Variants in ASPH observed in about 807,000 individuals in gnomAD.
ASPH encodes the protein aspartate beta-hydroxylase.
A neutral mutation model predicts 118.4 loss-of-function variants in ASPH; 100 were observed. The ratio of observed to expected loss-of-function variants is 0.84; its 90% CI spans 0.72 to 1.00. The LOEUF (loss-of-function observed/expected upper bound fraction) is 1.00, where lower values mean the gene tolerates loss of function less well. ASPH is among the 50% of genes least tolerant of loss of function. The pLI, the probability that ASPH is intolerant of heterozygous loss-of-function variation, is 0.00. For synonymous variants in ASPH, 315 were observed against 325.6 expected, an observed-to-expected ratio of 0.97 and a Z score of 0.35; for missense variants, 920 against 919.5, an observed-to-expected ratio of 1.00 and a Z score of -0.01.
In ASPH at chr8:61,569,426, T is replaced by C. The variant is rs79797708; in HGVS notation, c.1150-2108A>G. On this transcript the variant is annotated intron_variant, in intron 16 of 24. Transcript: ENST00000379454. ...TAAAATGTGTGCTGTAGTTAATATA[T>C]AGATGTATGCAGAATCAAAATAAAG... Among the ~76,000 whole-genome samples the C allele has an allele frequency of 1.3e-3, 191 of 152,256 alleles. 1 individual carries two copies. In the East Asian group the frequency reaches 0.031, roughly 25 times the overall value.
Position 61,684,053 on chromosome 8 carries a change from T to G in ASPH, c.239A>C (p.Tyr80Ser). The G allele has an allele frequency of 1.2e-6, 2 of 1,613,590 alleles. No individual in the cohort carries two copies. Among genetic ancestry groups the G allele is most frequent in the Non-Finnish European group, 1.7e-6 (2 of 1,179,672 alleles). The stretch of plus-strand genomic sequence containing the variant: ...AAAATTCTTACCTAGAACTTCCTCA[T>G]AGTCAACAAGATCAAACCAAACGAC... ...VAVVWFDLVDYEEVLGKLGIY... is the reference protein window; with the variant it reads ...VAVVWFDLVDSEEVLGKLGIY... Residue 80 changes from tyrosine to serine, a missense_variant, in exon 2 of 25, where the codon TAT becomes TCT. Physicochemically the swap from Tyr to Ser is moderately radical, Grantham distance 144 (BLOSUM62 -2). Transcript: ENST00000379454.
chr8:61,655,447 T>C (rs1016784123), intron 3 of ASPH, among the ~76,000 whole-genome samples: 2 of 152,118 alleles, frequency 1.3e-5, no homozygotes, highest in African/African-American at 4.8e-5. Flanking sequence ...GAATGAAAAA[T>C]TACAGGGTCA....
At position 61,669,409 on chromosome 8, in the gene ASPH, G is replaced by A. The variant is rs138784321; in HGVS notation, c.322+11559C>T. 3.7e-4 allele frequency among the ~76,000 whole-genome samples: 57 copies of A among 152,238 alleles called. No individual in the cohort carries two copies. The East Asian group carries it at 9.8e-3, about 26-fold the overall frequency. ...CCACTGACAACATAAAAATGGAAAC[G>A]TGACCATGGTTATATTTGTCCACTT... On this transcript the variant is annotated intron_variant, in intron 3 of 24. Coordinates refer to ENST00000379454, the MANE Select transcript of ASPH (RefSeq NM_004318.4).
At chr8:61,516,558 C>A (rs138187451) in intron 24 of ASPH, among the ~76,000 whole-genome samples, 12 of 152,284 alleles carry the variant, frequency 7.9e-5, no homozygotes, top group Non-Finnish European at 1.6e-4. Flanking sequence ...ACAACAATAA[C>A]TTGCTTTCTG....
chr8:61,637,865 T>A, intron 12 of ASPH, 82 bp downstream of exon 12: 1 of 1,346,184 alleles, frequency 7.4e-7, no homozygotes, highest in Non-Finnish European at 1.0e-6. Context: ...AGACAGCAAG[T>A]AGGAAATGTT....
intron 16 of ASPH, among the ~76,000 whole-genome samples, chr8:61,571,527 T>C (rs1382536387): frequency 2.0e-5 from 3 of 152,246 alleles, no homozygotes; most frequent in East Asian, 1.9e-4. Context: ...AGTTGTTATA[T>C]TGTATCATTT....
At chr8:61,606,974 G>T (rs1288237343) in intron 14 of ASPH, 1 of 295,920 alleles carries the variant, frequency 3.4e-6, no homozygotes, top group Admixed American at 5.0e-5. Flanking sequence ...CCCACTACTT[G>T]AGGACCAGCT....
chr8:61,609,127 G>A (rs533735184), intron 14 of ASPH, among the ~76,000 whole-genome samples: 5 of 152,266 alleles, frequency 3.3e-5, no homozygotes, highest in African/African-American at 1.2e-4. Flanking sequence ...TGCTCTCCTG[G>A]CACTGAGCTC....
intron 18 of ASPH, among the ~76,000 whole-genome samples, chr8:61,561,121 AGGGAGGG>A (rs1829784508): frequency 1.4e-5 from 1 of 69,574 alleles, no homozygotes; most frequent in African/African-American, 4.7e-5. Flanking sequence ...GGAGGGAGGG[AGGGAGGG>A]AGGGAGGGAG....
chr8:61,558,028 C>G (rs931788795), intron 18 of ASPH, among the ~76,000 whole-genome samples: 3 of 152,230 alleles, frequency 2.0e-5, no homozygotes, highest in African/African-American at 7.2e-5. Flanking sequence ...TTAGAACACA[C>G]AGAACTCTTC....
chr8:61,584,126 C>CTTTGGTGGAGACCAGCA, intron 14 of ASPH, 97 bp from the exon 15 acceptor site: 1 of 746,620 alleles, frequency 1.3e-6, no homozygotes, highest in Non-Finnish European at 2.1e-6. Context: ...TGATGCTGGT[C>CTTTGGTGGAGACCAGCA]TCCACCAAAG....
intron 3 of ASPH, chr8:61,675,582 A>G (rs1824845032): frequency 2.0e-6 from 2 of 980,260 alleles, no homozygotes; most frequent in African/African-American, 3.5e-5. Context: ...ATATCAGCTT[A>G]GTAAAGAACC....
At chr8:61,710,808 T>C (rs1311102896) in intron 1 of ASPH, among the ~76,000 whole-genome samples, 3 of 152,208 alleles carry the variant, frequency 2.0e-5, no homozygotes, top group Admixed American at 6.5e-5. Flanking sequence ...CAGCAGTGTA[T>C]TGAATCCCTC....
Position 61,642,889 on chromosome 8 carries a change from T to C in ASPH, c.789A>G (p.Gln263=). Residue 263 remains glutamine, a splice_region_variant and synonymous_variant, in exon 10 of 25, where the codon CAA becomes CAG. Transcript: ENST00000379454. ...DDVTYQVYEE[Q]AVYEPLENEG... ...AAAAAAAAGAAAGCATTTGCAAACC[T>C]TGTTCCTCATAGACTTGGTATGTTA... 1.9e-6 allele frequency: 3 copies of C among 1,549,102 alleles called. No homozygotes were observed. The highest frequency in any genetic ancestry group is 2.6e-6 in the Non-Finnish European group (3 of 1,156,254).
intron 13 of ASPH, 28 bp from the exon 14 acceptor site, chr8:61,619,047 G>A (rs900760394): frequency 7.3e-6 from 11 of 1,505,242 alleles, no homozygotes; most frequent in Admixed American, 3.4e-5. Context: ...AACATAGTAA[G>A]TACTATGCAA....
chr8:61,538,425 A>G (rs567223602), intron 21 of ASPH, among the ~76,000 whole-genome samples: 1 of 152,354 alleles, frequency 6.6e-6, no homozygotes, highest in African/African-American at 2.4e-5. Flanking sequence ...ATTTACTTTT[A>G]CATAAAAGTA....
intron 16 of ASPH, among the ~76,000 whole-genome samples, chr8:61,570,485 T>A (rs1297482789): frequency 1.3e-5 from 2 of 152,174 alleles, no homozygotes; most frequent in South Asian, 2.1e-4. Flanking sequence ...GGAATAAACA[T>A]CTTTAAACTC....
chr8:61,670,747 G>A (rs1822042936), intron 3 of ASPH, among the ~76,000 whole-genome samples: 1 of 151,620 alleles, frequency 6.6e-6, no homozygotes, highest in South Asian at 2.1e-4. Context: ...GGAAACCAGA[G>A]GATGCAGTGT....
At chr8:61,635,289 T>G (rs1373898963) in intron 12 of ASPH, among the ~76,000 whole-genome samples, 1 of 152,126 alleles carries the variant, frequency 6.6e-6, no homozygotes, top group Admixed American at 6.6e-5. Flanking sequence ...AACCTCACAA[T>G]ATTAGATTCT....
Sources: allele counts gnomAD v4.1 joint callset (sites outside exome capture counted in the v4.1 genomes callset), GRCh38; gene constraint gnomAD v4.1.1; transcripts MANE v1.5; gene names NCBI Gene and HGNC (gene_info 2026-07-23, HGNC 2026-07-21).